RABGAP1L: variants seen among roughly 807,000 people sequenced by gnomAD.
RABGAP1L encodes the protein RAB GTPase activating protein 1 like, also known as rab GTPase-activating protein 1-like.
In RABGAP1L, 63 loss-of-function variants were observed where a neutral mutation model predicts 137.7. The ratio of observed to expected loss-of-function variants is 0.46; its 90% CI spans 0.37 to 0.56. The LOEUF is 0.56. Among genes scored for constraint, RABGAP1L ranks in the 20% least tolerant of loss-of-function variants. RABGAP1L has a pLI of 0.00. For missense variants in RABGAP1L, 1,095 were observed against 1,244.0 expected (o/e 0.88, Z 1.80); for synonymous variants, 431 against 433.7 (o/e 0.99, Z 0.08).
intron 13 of RABGAP1L, among the ~76,000 whole-genome samples, chr1:174,398,018 A>C (rs1337672680): frequency 6.6e-6 from 1 of 152,220 alleles, no homozygotes; most frequent in Non-Finnish European, 1.5e-5. Flanking sequence ...CCAAAGGAAG[A>C]CATGTATAGG....
At chr1:174,496,033 T>A (rs1474216318) in intron 13 of RABGAP1L, among the ~76,000 whole-genome samples, 1 of 152,230 alleles carries the variant, frequency 6.6e-6, no homozygotes, top group Non-Finnish European at 1.5e-5. Flanking sequence ...CTAATATTTT[T>A]AACTTTGAGT....
intron 10 of RABGAP1L, among the ~76,000 whole-genome samples, chr1:174,291,167 T>C (rs1416735721): frequency 1.3e-5 from 2 of 152,210 alleles, no homozygotes; most frequent in Non-Finnish European, 2.9e-5. Context: ...GCTTAGTTTT[T>C]TTCTTCCCCC....
intron 11 of RABGAP1L, among the ~76,000 whole-genome samples, chr1:174,355,738 T>G (rs1465869595): frequency 1.3e-5 from 2 of 152,170 alleles, no homozygotes; most frequent in Non-Finnish European, 2.9e-5. Context: ...TAATGATACG[T>G]TTTTATTAAT....
At chr1:174,308,272 T>C (rs1487183611) in intron 11 of RABGAP1L, among the ~76,000 whole-genome samples, 1 of 152,032 alleles carries the variant, frequency 6.6e-6, no homozygotes, top group African/African-American at 2.4e-5. Context: ...CATATACATA[T>C]ATGCATATAT....
At chr1:174,635,918 A>G (rs1175323383) in intron 13 of RABGAP1L, among the ~76,000 whole-genome samples, 1 of 152,230 alleles carries the variant, frequency 6.6e-6, no homozygotes, top group African/African-American at 2.4e-5. Context: ...ATTCATTAAA[A>G]TAACATATAT....
intron 19 of RABGAP1L, among the ~76,000 whole-genome samples, chr1:174,817,196 T>C (rs1754354): frequency 0.65 from 98,287 of 152,104 alleles, 34,266 homozygotes; most frequent in East Asian, 0.93. Flanking sequence ...AATATGTTAG[T>C]TTATTTCACT....
At chr1:174,717,454 T>G (rs144147721) in intron 17 of RABGAP1L, among the ~76,000 whole-genome samples, 1 of 152,186 alleles carries the variant, frequency 6.6e-6, no homozygotes, top group Non-Finnish European at 1.5e-5. Context: ...AAGATAAATA[T>G]CCAATAGTAC....
intron 19 of RABGAP1L, among the ~76,000 whole-genome samples, 180 bp downstream of exon 19, chr1:174,812,140 C>A (rs1689935664): frequency 6.6e-6 from 1 of 152,152 alleles, no homozygotes. Context: ...GCTGTACCTT[C>A]TAGTAGGACT....
chr1:174,199,648 C>G (rs1352259039), intron 1 of RABGAP1L, among the ~76,000 whole-genome samples: 1 of 152,164 alleles, frequency 6.6e-6, no homozygotes, highest in Non-Finnish European at 1.5e-5. Flanking sequence ...TTGTTTTGTT[C>G]ATTATTTCCT....
chr1:174,675,791 C>A (rs901035408), intron 14 of RABGAP1L, among the ~76,000 whole-genome samples: 21 of 152,160 alleles, frequency 1.4e-4, no homozygotes, highest in African/African-American at 2.9e-4. Context: ...TACTTAAAAG[C>A]CCCTGTAGCT....
At chr1:174,790,043 A>C (rs1490276997) in intron 18 of RABGAP1L, among the ~76,000 whole-genome samples, 1 of 151,944 alleles carries the variant, frequency 6.6e-6, no homozygotes, top group Admixed American at 6.6e-5. Context: ...CCCCATCTCT[A>C]CTAAAAATAC....
chr1:174,408,345 G>A (rs1291740606), intron 13 of RABGAP1L, among the ~76,000 whole-genome samples: 1 of 151,976 alleles, frequency 6.6e-6, no homozygotes, highest in Non-Finnish European at 1.5e-5. Context: ...TGTTAATTTG[G>A]TTAGGATAAT....
At chr1:174,498,348 T>G (rs753949882) in intron 13 of RABGAP1L, among the ~76,000 whole-genome samples, 1 of 152,146 alleles carries the variant, frequency 6.6e-6, no homozygotes, top group Non-Finnish European at 1.5e-5. Flanking sequence ...AATTAAAAGG[T>G]CTTGTTGAAT....
intron 18 of RABGAP1L, among the ~76,000 whole-genome samples, chr1:174,766,004 G>T (rs1038165285): frequency 6.6e-6 from 1 of 152,234 alleles, no homozygotes; most frequent in Admixed American, 6.5e-5. Context: ...TTTGGAAATA[G>T]AATCTTTAAA....
At position 174,919,131 on chromosome 1, in the gene RABGAP1L, G is replaced by A. The variant is rs145675698; in HGVS notation, c.2341-38326G>A. On this transcript the variant is annotated intron_variant, in intron 19 of 25. Transcript: ENST00000681986. ...CCTCCCAGGTTCAAGTGATTCTCCC[G>A]CCTCAGCCTTCCGAGTAGCTGGGAT... Among the ~76,000 whole-genome samples, 260 of 151,144 alleles carry A rather than the reference G, an allele frequency of 1.7e-3. 3 individuals are homozygous for A. In the East Asian group the frequency reaches 0.039, roughly 23 times the overall value.
intron 1 of RABGAP1L, among the ~76,000 whole-genome samples, chr1:174,188,084 A>G (rs770460942): frequency 2.0e-5 from 3 of 152,156 alleles, no homozygotes; most frequent in Non-Finnish European, 4.4e-5. Flanking sequence ...ATAGCAGGGT[A>G]TACTTTATAT....
chr1:174,398,331 T>C (rs570541269), intron 13 of RABGAP1L, among the ~76,000 whole-genome samples: 27 of 152,232 alleles, frequency 1.8e-4, no homozygotes, highest in African/African-American at 6.5e-4. Flanking sequence ...AACCATATTG[T>C]ATTGGGGCTG....
At chr1:174,476,305 G>A (rs1658499571) in intron 13 of RABGAP1L, among the ~76,000 whole-genome samples, 2 of 152,002 alleles carry the variant, frequency 1.3e-5, no homozygotes, top group Admixed American at 1.3e-4. Flanking sequence ...TTAATAGTAA[G>A]TTTTGGAGCA....
chr1:174,848,786 C>T (rs1160169341), intron 19 of RABGAP1L, among the ~76,000 whole-genome samples: 2 of 150,790 alleles, frequency 1.3e-5, no homozygotes, highest in Admixed American at 6.6e-5. Flanking sequence ...GCTTTGTTTA[C>T]CTAAGCAAGC....
Sources: allele counts gnomAD v4.1 joint callset (sites outside exome capture counted in the v4.1 genomes callset), GRCh38; gene constraint gnomAD v4.1.1; transcripts MANE v1.5; gene names NCBI Gene and HGNC (gene_info 2026-07-23, HGNC 2026-07-21).